The following ZMYND8 variants were observed in gnomAD, a reference collection of about 807,000 sequenced individuals.
ZMYND8 encodes the protein MYND-type zinc finger-containing chromatin reader ZMYND8.
A neutral mutation model predicts 140.8 loss-of-function variants in ZMYND8; 37 were observed. The observed-to-expected ratio is 0.26, with a 90% CI of 0.20 to 0.35. ZMYND8 has a LOEUF of 0.35. Ranked by LOEUF, ZMYND8 falls within the 10% of genes least tolerant of loss-of-function variation. The probability of loss-of-function intolerance (pLI) is 1.00; values close to 1 mark genes in which losing one functional copy is unlikely to be tolerated. For missense variants in ZMYND8, 1,068 were observed against 1,570.0 expected (o/e 0.68, Z 5.40); for synonymous variants, 592 against 597.1 (o/e 0.99, Z 0.12).
chr20:47,277,882 A>T (rs529286552), intron 10 of ZMYND8, among the ~76,000 whole-genome samples: 3 of 152,076 alleles, frequency 2.0e-5, no homozygotes, highest in Non-Finnish European at 4.4e-5. Context: ...TATGTTAGCC[A>T]GGCTGGTCTT....
intron 2 of ZMYND8, among the ~76,000 whole-genome samples, chr20:47,345,566 G>T (rs1293899862): frequency 6.6e-6 from 1 of 151,198 alleles, no homozygotes; most frequent in African/African-American, 2.4e-5. Flanking sequence ...GGAGTGCAAA[G>T]GCGTGGTCTT....
chr20:47,338,659 C>T (rs1027481566), intron 2 of ZMYND8, among the ~76,000 whole-genome samples: 20 of 152,128 alleles, frequency 1.3e-4, no homozygotes, highest in Non-Finnish European at 2.4e-4. Context: ...GAAGCTACCA[C>T]CACCGCCACT....
intron 3 of ZMYND8, among the ~76,000 whole-genome samples, chr20:47,309,307 T>C (rs2148199704): frequency 6.7e-6 from 1 of 150,222 alleles, no homozygotes; most frequent in Middle Eastern, 3.4e-3. Context: ...CCTAAACCCT[T>C]CATTTTTTTT....
intron 16 of ZMYND8, among the ~76,000 whole-genome samples, chr20:47,231,720 C>T (rs768887606): frequency 3.7e-4 from 57 of 152,386 alleles, no homozygotes; most frequent in African/African-American, 1.1e-3. Flanking sequence ...GCGCTTTCCA[C>T]GGCTTTGCAG....
intron 1 of ZMYND8, chr20:47,355,485 CAGTT>C (rs1209820649): frequency 1.0e-6 from 1 of 985,276 alleles, no homozygotes; most frequent in African/African-American, 1.7e-5. Flanking sequence ...CATTTTTCCA[CAGTT>C]AGGAAGAGAG....
At chr20:47,300,556 T>C (rs2077946559) in intron 3 of ZMYND8, among the ~76,000 whole-genome samples, 1 of 152,228 alleles carries the variant, frequency 6.6e-6, no homozygotes, top group Non-Finnish European at 1.5e-5. Context: ...CAATAGTTTA[T>C]TGACTGAAAA....
rs1326400435 is a variant in ZMYND8, at chr20:47,236,338, C to T, written c.2844G>A (p.Lys948=). Residue 948 remains lysine, a synonymous_variant, in exon 16 of 23, where the codon AAG becomes AAA. Transcript: ENST00000471951. Reference sequence around the variant, plus strand: ...CCCATCCACTCACTTTGCTAGTGTACTTGGCAATATCAGCGGCGACATCAG... The same window carrying T: ...CCCATCCACTCACTTTGCTAGTGTATTTGGCAATATCAGCGGCGACATCAG... ...ASADVAADIA[K]YTSKMMDAIK... 1 of 1,614,218 alleles carries T rather than the reference C, an allele frequency of 6.2e-7. No homozygotes were observed. The highest frequency in any genetic ancestry group is 2.2e-5 in the East Asian group (1 of 44,876).
At chr20:47,244,610 C>G (rs556789740) in intron 14 of ZMYND8, among the ~76,000 whole-genome samples, 3 of 152,294 alleles carry the variant, frequency 2.0e-5, no homozygotes, top group African/African-American at 7.2e-5. Context: ...TTTGTGACTG[C>G]CACAACTGAG....
At chr20:47,229,410 G>A (rs2038170644) in intron 17 of ZMYND8, among the ~76,000 whole-genome samples, 1 of 152,124 alleles carries the variant, frequency 6.6e-6, no homozygotes, top group Admixed American at 6.5e-5. Context: ...CAAACTTCCA[G>A]AGAAGATTCA....
chr20:47,286,481 G>GTATC (rs1023549230), intron 8 of ZMYND8, among the ~76,000 whole-genome samples: 1 of 151,656 alleles, frequency 6.6e-6, no homozygotes, highest in East Asian at 1.9e-4. Flanking sequence ...ACCTGGCCAG[G>GTATC]TATCTATCTA....
At chr20:47,284,023 A>G (rs931110730) in intron 8 of ZMYND8, among the ~76,000 whole-genome samples, 1 of 152,090 alleles carries the variant, frequency 6.6e-6, no homozygotes, top group African/African-American at 2.4e-5. Flanking sequence ...CCTGCGTTCA[A>G]GCAATTCTCG....
At chr20:47,352,198 A>T (rs2082843318) in intron 1 of ZMYND8, among the ~76,000 whole-genome samples, 1 of 152,204 alleles carries the variant, frequency 6.6e-6, no homozygotes, top group South Asian at 2.1e-4. Flanking sequence ...TTCTCTTCTC[A>T]GTCTATTAGA....
At chr20:47,264,664 TG>T (rs11476416) in intron 11 of ZMYND8, among the ~76,000 whole-genome samples, 37,930 of 151,904 alleles carry the variant, frequency 0.25, 5,004 homozygotes, top group Non-Finnish European at 0.3. Context: ...ATTCCTTCAC[TG>T]GGGGGGGCTG....
chr20:47,331,194 CTTAAGAGT>C (rs2080910342), intron 2 of ZMYND8, among the ~76,000 whole-genome samples: 1 of 152,140 alleles, frequency 6.6e-6, no homozygotes, highest in African/African-American at 2.4e-5. Context: ...GGAGGAAACA[CTTAAGAGT>C]TTAAAGTAGG....
chr20:47,355,523 T>G, intron 1 of ZMYND8: 2 of 985,384 alleles, frequency 2.0e-6, no homozygotes, highest in Non-Finnish European at 2.4e-6. Context: ...ATTTGGGACT[T>G]GATCAAAAAG....
At chr20:47,302,251 G>C (rs1333764035) in intron 3 of ZMYND8, among the ~76,000 whole-genome samples, 5 of 152,138 alleles carry the variant, frequency 3.3e-5, no homozygotes, top group African/African-American at 1.2e-4. Context: ...GAGGTGGGTG[G>C]ATCACCTGAG....
intron 16 of ZMYND8, among the ~76,000 whole-genome samples, chr20:47,235,953 A>C (rs974909936): frequency 2.1e-4 from 32 of 152,146 alleles, no homozygotes; most frequent in African/African-American, 7.7e-4. Context: ...AGTCTCTGTC[A>C]CTTCTGCTCC....
chr20:47,236,510 T>G lies in ZMYND8; in HGVS notation c.2672A>C (p.Gln891Pro). ...TGGGCTCTGTGTGATCTCCTTCTGC[T>G]GGACAGCTAGGAAGGCAAAGCATCC... ...YQTRQAVKAV[Q>P]QKEITQSPST... Residue 891 changes from glutamine to proline, a missense_variant, in exon 16 of 23, where the codon CAG becomes CCG. Around this residue, in one of 10 missense-constraint regions of ZMYND8, gnomAD observed 383 missense variants for 431.2 expected, o/e 0.89. Transcript: ENST00000471951. 6.4e-7 allele frequency: 1 copy of G among 1,568,084 alleles called. No individual in the cohort carries two copies.
rs535726360 is a variant in ZMYND8, at chr20:47,298,705, T to C, written c.453+24A>G. 47 of 1,602,952 alleles carry C rather than the reference T, an allele frequency of 2.9e-5. No individual in the cohort carries two copies. In the East Asian group the frequency reaches 8.3e-4, roughly 28 times the overall value. On this transcript the variant is annotated intron_variant, in intron 4 of 22. Transcript: ENST00000471951. The surrounding 1 kb of genome is among the most constrained non-coding windows in gnomAD (Gnocchi z 5.0). ...AAAGGAGAGGAAACGAGGCAGGTAA[T>C]GCATTCATTCATCAGGAACTAACCT... is the stretch of plus-strand genomic sequence containing the variant.
Sources: allele counts gnomAD v4.1 joint callset (sites outside exome capture counted in the v4.1 genomes callset), GRCh38; gene constraint gnomAD v4.1.1; regional missense constraint gnomAD v4.1.1; non-coding constraint Gnocchi (gnomAD v3.1); transcripts MANE v1.5; gene names NCBI Gene and HGNC (gene_info 2026-07-23, HGNC 2026-07-21).